The following KLHL14 variants were observed in gnomAD, a reference collection of about 807,000 sequenced individuals.
The protein encoded by KLHL14 is kelch like family member 14, also known as kelch-like protein 14.
Under a neutral mutation model 64.3 loss-of-function variants are expected in KLHL14, and 22 were observed. The ratio of observed to expected loss-of-function variants is 0.34; its 90% CI spans 0.24 to 0.49. The LOEUF (loss-of-function observed/expected upper bound fraction) is 0.49, where lower values mean the gene tolerates loss of function less well. Ranked by LOEUF, KLHL14 falls within the 20% of genes least tolerant of loss-of-function variation. The probability of loss-of-function intolerance (pLI) is 0.99; values close to 1 mark genes in which losing one functional copy is unlikely to be tolerated. For missense variants in KLHL14, 661 were observed against 789.0 expected (o/e 0.84, Z 1.94); for synonymous variants, 322 against 333.4 (o/e 0.97, Z 0.37).
chr18:32,705,786 GA>G (rs2049987238), intron 3 of KLHL14, among the ~76,000 whole-genome samples: 1 of 152,178 alleles, frequency 6.6e-6, no homozygotes, highest in Non-Finnish European at 1.5e-5. Context: ...TGAGGCCTGC[GA>G]AAATGTGTTG....
chr18:32,770,875 T>A lies in KLHL14; in HGVS notation c.-43-241A>T. 1 of 471,096 alleles carries A rather than the reference T, an allele frequency of 2.1e-6. No individual in the cohort carries two copies. The highest frequency in any genetic ancestry group is 3.8e-6 in the Non-Finnish European group (1 of 259,936). The allele number at this position is 471,096 out of a possible 1,614,324, so 29.2% of individuals were successfully genotyped here. A position where few individuals can be genotyped will look rare whatever the true frequency, so the allele number is the denominator to read the frequency against. On this transcript the variant is annotated intron_variant, in intron 1 of 8. Coordinates refer to ENST00000359358, the MANE Select transcript of KLHL14 (RefSeq NM_020805.3). The surrounding 1 kb of genome is among the most constrained non-coding windows in gnomAD (Gnocchi z 6.7). ...GGGTCCCGGCGCCGGTTCTGCGCCCTGCGGCTCCTCTCGCCACCTCCCACA... is the reference window on the plus strand; with the variant it reads ...GGGTCCCGGCGCCGGTTCTGCGCCCAGCGGCTCCTCTCGCCACCTCCCACA...
At chr18:32,712,456 T>C (rs185728138) in intron 3 of KLHL14, among the ~76,000 whole-genome samples, 33 of 152,330 alleles carry the variant, frequency 2.2e-4, no homozygotes, top group East Asian at 1.2e-3. Context: ...TGCTCATTTC[T>C]AAAGTCAAGC....
chr18:32,723,106 A>G (rs887247530), intron 3 of KLHL14, among the ~76,000 whole-genome samples: 11 of 152,104 alleles, frequency 7.2e-5, no homozygotes, highest in African/African-American at 2.7e-4. Context: ...TTCCACTTCA[A>G]TTTGTTTGTT....
At position 32,742,006 on chromosome 18, in the gene KLHL14, G is replaced by A; in HGVS notation, c.991C>T (p.Pro331Ser). 6.2e-7 allele frequency: 1 copy of A among 1,612,996 alleles called. No individual in the cohort carries two copies. Among genetic ancestry groups the A allele is most frequent in the Non-Finnish European group, 8.5e-7 (1 of 1,179,730 alleles). The change falls in exon 3 of 9, where the codon CCT becomes TCT. Residue 331 changes from proline (P) to serine (S), a missense_variant. By Grantham distance (74) the Pro-to-Ser change is moderately conservative. Coordinates refer to ENST00000359358, the MANE Select transcript of KLHL14 (RefSeq NM_020805.3). Reference sequence around the variant, plus strand: ...CTGGGGAGCCGGTCCGGTCCAGGAGGCAGCCCTCCAACCAATAACAGCATT... The same window carrying A: ...CTGGGGAGCCGGTCCGGTCCAGGAGACAGCCCTCCAACCAATAACAGCATT... ...KKMLLLVGGL[P>S]PGPDRLPSNL...
At chr18:32,675,741 C>T (rs1358129266) in intron 8 of KLHL14, among the ~76,000 whole-genome samples, 1 of 152,144 alleles carries the variant, frequency 6.6e-6, no homozygotes, top group Non-Finnish European at 1.5e-5. Context: ...CCCAACCAAC[C>T]TAATAATTAT....
chr18:32,767,259 C>A (rs1185377914), intron 2 of KLHL14, among the ~76,000 whole-genome samples: 1 of 152,140 alleles, frequency 6.6e-6, no homozygotes, highest in Non-Finnish European at 1.5e-5. Context: ...CAACTTACAG[C>A]ATTTCTGTCT....
chr18:32,742,144 T>C, intron 2 of KLHL14, 95 bp from the exon 3 acceptor site: 1 of 1,369,740 alleles, frequency 7.3e-7, no homozygotes, highest in South Asian at 1.3e-5. Context: ...TGTTCCTTGC[T>C]TGCAGATATC....
chr18:32,746,347 C>T (rs999334864), intron 2 of KLHL14, among the ~76,000 whole-genome samples: 2 of 152,214 alleles, frequency 1.3e-5, no homozygotes, highest in African/African-American at 4.8e-5. Flanking sequence ...TCAGTAACTG[C>T]CCAACATTTA....
At chr18:32,726,682 GA>G (rs2050110028) in intron 3 of KLHL14, among the ~76,000 whole-genome samples, 1 of 151,676 alleles carries the variant, frequency 6.6e-6, no homozygotes, top group Non-Finnish European at 1.5e-5. Context: ...TTTCTCAAAA[GA>G]AAAAATTGGC....
intron 3 of KLHL14, among the ~76,000 whole-genome samples, chr18:32,697,345 C>T (rs12964622): frequency 0.21 from 31,364 of 152,120 alleles, 3,782 homozygotes; most frequent in Non-Finnish European, 0.27. Context: ...TGTCATATTA[C>T]GAACAACCTG....
At chr18:32,734,134 T>C (rs759593848) in intron 3 of KLHL14, 10 of 702,602 alleles carry the variant, frequency 1.4e-5, no homozygotes, top group Non-Finnish European at 2.6e-5. Context: ...TGTCTAGTAG[T>C]ATAATTATGA....
Position 32,680,929 on chromosome 18 carries a change from C to T in KLHL14, c.1239-330G>A, listed in dbSNP as rs931772483. Among the ~76,000 whole-genome samples, 1 of 151,968 alleles carries T rather than the reference C, an allele frequency of 6.6e-6. No homozygotes were observed. The highest frequency in any genetic ancestry group is 2.1e-4 in the South Asian group (1 of 4,822). ...GATATTCGGTACCTTGTAAGGATAT[C>T]GTAGCTCTGTAAGGCAAAGTGAAAA... On this transcript the variant is annotated intron_variant, in intron 5 of 8. Transcript: ENST00000359358. This position sits in a 1 kb window ranked among gnomAD's most constrained non-coding sequence, Gnocchi z 4.8.
chr18:32,771,731 C>T (rs2050386934), intron 1 of KLHL14, among the ~76,000 whole-genome samples: 1 of 151,290 alleles, frequency 6.6e-6, no homozygotes, highest in Non-Finnish European at 1.5e-5. Context: ...GTCGCTTTAA[C>T]TCCAGTAACT....
Position 32,772,799 on chromosome 18 carries a change from C to T in KLHL14, c.-176G>A, listed in dbSNP as rs1341654094. ...TCTGGTTCCCAACTCCAGGCAGTCA[C>T]TCTTTACAATTTATTTTGTCGTACA... On this transcript the variant is annotated 5_prime_UTR_variant, in exon 1 of 9. The change creates a new upstream start codon in the 5' untranslated region. Transcript: ENST00000359358. 1.3e-5 allele frequency: 2 copies of T among 153,024 alleles called. No individual in the cohort carries two copies. Among genetic ancestry groups the T allele is most frequent in the Non-Finnish European group, 2.9e-5 (2 of 68,552 alleles). 9.5% of individuals were successfully genotyped at this position (153,024 alleles called of 1,614,324 possible).
chr18:32,733,373 G>C (rs2050146346), intron 3 of KLHL14, among the ~76,000 whole-genome samples: 1 of 145,336 alleles, frequency 6.9e-6, no homozygotes, highest in South Asian at 2.2e-4. Context: ...GACAGAGAGA[G>C]AGAAAGAGAG....
chr18:32,676,093 G>A (rs1180111000), intron 8 of KLHL14, among the ~76,000 whole-genome samples: 1 of 152,092 alleles, frequency 6.6e-6, no homozygotes, highest in African/African-American at 2.4e-5. Flanking sequence ...GAACTACAAA[G>A]CCACCTTCGC....
intron 2 of KLHL14, chr18:32,742,850 A>C (rs1197351893): frequency 6.6e-6 from 1 of 152,244 alleles, no homozygotes; most frequent in Non-Finnish European, 1.5e-5. Context: ...CTTCTCCCCC[A>C]GGGGGCAACC....
chr18:32,748,234 T>C (rs769933036), intron 2 of KLHL14, among the ~76,000 whole-genome samples: 1 of 152,164 alleles, frequency 6.6e-6, no homozygotes, highest in Non-Finnish European at 1.5e-5. Flanking sequence ...TTTTTTGAGA[T>C]GGAGTTTTGC....
intron 1 of KLHL14, among the ~76,000 whole-genome samples, chr18:32,771,267 T>A (rs906180336): frequency 6.6e-6 from 1 of 152,012 alleles, no homozygotes; most frequent in Non-Finnish European, 1.5e-5. Flanking sequence ...ACTCCTAGGC[T>A]AATAGTCTGA....
Sources: allele counts gnomAD v4.1 joint callset (sites outside exome capture counted in the v4.1 genomes callset), GRCh38; gene constraint gnomAD v4.1.1; non-coding constraint Gnocchi (gnomAD v3.1); transcripts MANE v1.5; gene names NCBI Gene and HGNC (gene_info 2026-07-23, HGNC 2026-07-21).